The following DPP10 variants were observed in gnomAD, a reference collection of about 807,000 sequenced individuals.
DPP10 encodes the protein inactive dipeptidyl peptidase 10.
A neutral mutation model predicts 120.9 loss-of-function variants in DPP10; 33 were observed. That is an observed-to-expected ratio of 0.27 (90% CI 0.21 to 0.37). The LOEUF (loss-of-function observed/expected upper bound fraction) is 0.37. Ranked by LOEUF, DPP10 falls within the 10% of genes least tolerant of loss-of-function variation. The pLI is 1.00. For missense variants in DPP10, 816 were observed against 942.8 expected (o/e 0.87, Z 1.76); for synonymous variants, 337 against 326.1 (o/e 1.03, Z -0.36).
chr2:115,564,189 A>C (rs890773434), intron 5 of DPP10, among the ~76,000 whole-genome samples: 9 of 151,962 alleles, frequency 5.9e-5, no homozygotes, highest in Non-Finnish European at 8.8e-5. Context: ...ATATTTAATA[A>C]AATGAGGTCT....
At chr2:115,289,666 G>A (rs1271815801) in intron 1 of DPP10, among the ~76,000 whole-genome samples, 1 of 151,928 alleles carries the variant, frequency 6.6e-6, no homozygotes, top group Non-Finnish European at 1.5e-5. Flanking sequence ...GACCAATGAA[G>A]CAGAATAGAG....
intron 7 of DPP10, among the ~76,000 whole-genome samples, chr2:115,699,365 G>T (rs1227884649): frequency 6.6e-6 from 1 of 152,124 alleles, no homozygotes; most frequent in South Asian, 2.1e-4. Context: ...TAACACCAAG[G>T]CCAAGGCGGG....
At chr2:115,801,875 G>A (rs1029054176) in intron 19 of DPP10, among the ~76,000 whole-genome samples, 1 of 152,152 alleles carries the variant, frequency 6.6e-6, no homozygotes, top group Non-Finnish European at 1.5e-5. Flanking sequence ...GTTCTTCAAG[G>A]ATATTGGTCT....
At chr2:114,906,786 A>T (rs1019540333) in intron 1 of DPP10, among the ~76,000 whole-genome samples, 3 of 152,092 alleles carry the variant, frequency 2.0e-5, no homozygotes, top group Non-Finnish European at 4.4e-5. Flanking sequence ...CTCTATTTGT[A>T]TGAAAAAGAG....
intron 1 of DPP10, among the ~76,000 whole-genome samples, chr2:114,938,774 A>C (rs1696678386): frequency 7.8e-6 from 1 of 128,424 alleles, no homozygotes; most frequent in South Asian, 2.5e-4. Flanking sequence ...TTGCCTCATT[A>C]ATTTGTAGGA....
chr2:114,459,037 T>A (rs976472559), intron 1 of DPP10, among the ~76,000 whole-genome samples: 2 of 152,236 alleles, frequency 1.3e-5, no homozygotes, highest in African/African-American at 4.8e-5. Context: ...AACATGGGTC[T>A]GAGAAAGAGG....
intron 5 of DPP10, among the ~76,000 whole-genome samples, chr2:115,614,487 G>A (rs958576054): frequency 3.3e-5 from 5 of 152,128 alleles, no homozygotes; most frequent in South Asian, 2.1e-4. Flanking sequence ...GTGCAATGGC[G>A]CCATCTCAGC....
chr2:114,787,432 A>G (rs1682858797), intron 1 of DPP10, among the ~76,000 whole-genome samples: 1 of 152,226 alleles, frequency 6.6e-6, no homozygotes, highest in African/African-American at 2.4e-5. Context: ...AAAGCCCTGG[A>G]GAATTTTGAG....
chr2:114,769,539 T>C (rs1558722909), intron 1 of DPP10, among the ~76,000 whole-genome samples: 1 of 152,196 alleles, frequency 6.6e-6, no homozygotes, highest in Non-Finnish European at 1.5e-5. Flanking sequence ...TGATGAGAAG[T>C]TGCTGAATTT....
At position 115,791,300 on chromosome 2, in the gene DPP10, G is replaced by T. The variant is rs746914043; in HGVS notation, c.1644G>T (p.Gln548His). ...TTTCTTTAAAAGAACTTCCTTTACA[G>T]TTGTCCCTTCCCAAAGATTTTATGG... ...LHIDDYELPL[Q>H]LSLPKDFMDR... The change falls in exon 19 of 26, where the codon CAG becomes CAT. Residue 548 changes from glutamine to histidine, a missense_variant. Physicochemically the swap from Gln to His is conservative, Grantham distance 24. Around this residue, in one of 3 missense-constraint regions of DPP10, gnomAD observed 592 missense variants for 649.0 expected, o/e 0.91. Coordinates refer to ENST00000410059, the MANE Select transcript of DPP10 (RefSeq NM_020868.6). The T allele has an allele frequency of 6.2e-7, 1 of 1,611,906 alleles. No individual in the cohort carries two copies. Among genetic ancestry groups the T allele is most frequent in the Non-Finnish European group, 8.5e-7 (1 of 1,179,348 alleles).
intron 1 of DPP10, among the ~76,000 whole-genome samples, chr2:114,584,802 A>G (rs941225600): frequency 2.0e-5 from 3 of 152,066 alleles, no homozygotes; most frequent in Non-Finnish European, 2.9e-5. Flanking sequence ...GTTCACTTTT[A>G]TGAGTGAAAA....
chr2:115,568,910 G>A (rs568020843), intron 5 of DPP10, among the ~76,000 whole-genome samples: 46 of 152,240 alleles, frequency 3.0e-4, no homozygotes, highest in Admixed American at 9.2e-4. Flanking sequence ...TATTTTTGTG[G>A]CATTTTAATC....
At chr2:114,778,483 T>G (rs1003370217) in intron 1 of DPP10, among the ~76,000 whole-genome samples, 1 of 152,128 alleles carries the variant, frequency 6.6e-6, no homozygotes, top group Admixed American at 6.5e-5. Flanking sequence ...TTATTTATGT[T>G]ACAGTAAACT....
At chr2:115,598,907 T>C (rs1232958731) in intron 5 of DPP10, among the ~76,000 whole-genome samples, 2 of 151,700 alleles carry the variant, frequency 1.3e-5, no homozygotes, top group Non-Finnish European at 2.9e-5. Context: ...ATTTATTCGA[T>C]ATTAATTTTT....
chr2:114,474,479 G>A (rs1377557211), intron 1 of DPP10, among the ~76,000 whole-genome samples: 1 of 152,148 alleles, frequency 6.6e-6, no homozygotes, highest in African/African-American at 2.4e-5. Context: ...TGGGGAACAA[G>A]GATATGTTGG....
chr2:115,758,953 T>G (rs1435371880), intron 11 of DPP10, among the ~76,000 whole-genome samples: 1 of 152,148 alleles, frequency 6.6e-6, no homozygotes, highest in Non-Finnish European at 1.5e-5. Context: ...AGCCCTAAAT[T>G]TAAGAGCTAA....
At position 115,634,506 on chromosome 2, in the gene DPP10, C is replaced by G. The variant is rs1392065965; in HGVS notation, c.442-55181C>G. Among the ~76,000 whole-genome samples, 3 of 152,180 alleles carry G rather than the reference C, an allele frequency of 2.0e-5. No homozygotes were observed. In the East Asian group the frequency reaches 5.8e-4, roughly 29 times the overall value. On this transcript the variant is annotated intron_variant, in intron 5 of 25. Transcript: ENST00000410059. ...CAGTTTGCTTGGGGTCCACTCCAGA[C>G]TCTATTTACCTGGTTCCTTTCCACA...
In DPP10 at chr2:114,981,779, G is replaced by GTTT. The variant is rs35685856; in HGVS notation, c.61-327451_61-327449dup. On this transcript the variant is annotated intron_variant, in intron 1 of 25. Coordinates refer to ENST00000410059, the MANE Select transcript of DPP10 (RefSeq NM_020868.6). ...TTGTTTTGTTTTGTTTTTTGTTTTT[G>GTTT]TTTTTTTTTTTAGATAGGGTGTCTC... 4.9e-4 allele frequency among the ~76,000 whole-genome samples: 72 copies of GTTT among 145,822 alleles called. No individual in the cohort carries two copies. In the East Asian group the frequency reaches 5.2e-3, roughly 11 times the overall value.
intron 1 of DPP10, among the ~76,000 whole-genome samples, chr2:114,844,198 T>A (rs563204319): frequency 4.4e-4 from 67 of 152,242 alleles, no homozygotes; most frequent in African/African-American, 1.6e-3. Context: ...ACCCCTGGTA[T>A]TCTGTGCACA....
Sources: gnomAD v4.1 joint callset for allele counts (sites outside exome capture counted in the v4.1 genomes callset) on GRCh38, gnomAD v4.1.1 for gene constraint, gnomAD v4.1.1 regional missense constraint, MANE v1.5 for transcripts, NCBI Gene and HGNC (gene_info 2026-07-23, HGNC 2026-07-21) for gene names.